Variants in TCP11L2 observed in about 807,000 individuals in gnomAD.
The protein encoded by TCP11L2 is T-complex protein 11-like protein 2.
In TCP11L2, 39 loss-of-function variants were observed where a neutral mutation model predicts 50.7. The ratio of observed to expected loss-of-function variants is 0.77; its 90% CI spans 0.60 to 1.01. TCP11L2 has a LOEUF of 1.01. Among genes scored for constraint, TCP11L2 ranks in the 50% least tolerant of loss-of-function variants. The pLI is 0.00. For synonymous variants in TCP11L2, 192 were observed against 219.3 expected (o/e 0.88, Z 1.10); for missense variants, 612 against 614.7 (o/e 1.00, Z 0.05).
chr12:106,314,684 T>C (rs1213904368), intron 3 of TCP11L2, among the ~76,000 whole-genome samples, 191 bp downstream of exon 3: 2 of 151,860 alleles, frequency 1.3e-5, no homozygotes, highest in African/African-American at 4.8e-5. Context: ...TTTAGTTCTC[T>C]AACAAGGTCT....
At chr12:106,313,426 C>A (rs1332958438) in intron 2 of TCP11L2, among the ~76,000 whole-genome samples, 1 of 151,910 alleles carries the variant, frequency 6.6e-6, no homozygotes, top group Non-Finnish European at 1.5e-5. Context: ...AATAAAAATA[C>A]AAAAATTAGC....
rs144573610 is a variant in TCP11L2 at position 106,340,857 on chromosome 12, A to G, written c.1174A>G (p.Ile392Val). The G allele has an allele frequency of 1.5e-4, 246 of 1,606,926 alleles. 3 individuals are homozygous for G. In the South Asian group the frequency reaches 2.1e-3, roughly 14 times the overall value. The change falls in exon 9 of 10, where the codon ATT (isoleucine) becomes GTT (valine). Residue 392 changes from isoleucine (I) to valine (V), a missense_variant. Transcript: ENST00000299045. Reference sequence around the variant, plus strand: ...TAACTTGAAGGAAGTCCTGAATTCTATTGGTATTCAGACTTGTGTTGAGGT... The same window carrying G: ...TAACTTGAAGGAAGTCCTGAATTCTGTTGGTATTCAGACTTGTGTTGAGGT... ...TFNLKEVLNS[I>V]GIQTCVEVNK...
At chr12:106,310,628 AG>A (rs1468402824) in intron 1 of TCP11L2, among the ~76,000 whole-genome samples, 1 of 152,242 alleles carries the variant, frequency 6.6e-6, no homozygotes, top group Non-Finnish European at 1.5e-5. Context: ...ACTATGAGGT[AG>A]GTAGTTAAGT....
upstream of TCP11L2, among the ~76,000 whole-genome samples, chr12:106,299,679 C>G (rs779293221): frequency 6.6e-5 from 10 of 152,150 alleles, no homozygotes; most frequent in Non-Finnish European, 1.3e-4. Flanking sequence ...AGAAGCCTCA[C>G]AACTCCCATA....
Position 106,315,677 on chromosome 12 carries a change from T to G in TCP11L2, c.293+1184T>G, listed in dbSNP as rs542051751. On this transcript the variant is annotated intron_variant, in intron 3 of 9. Transcript: ENST00000299045. ...ATCCAGAAATGTCTGGAGGTAGGAA[T>G]CACAGCTGCAAGAGGCACTTCCTGG... 5.9e-5 allele frequency among the ~76,000 whole-genome samples: 9 copies of G among 152,324 alleles called. No individual in the cohort carries two copies. The South Asian group carries it at 8.3e-4, about 14-fold the overall frequency.
chr12:106,310,996 G>A (rs1356859717), intron 1 of TCP11L2, 45 bp from the exon 2 acceptor site: 8 of 1,512,146 alleles, frequency 5.3e-6, no homozygotes, highest in Non-Finnish European at 7.2e-6. Context: ...TGGTGCCTGT[G>A]GAAGTACCAC....
At chr12:106,329,648 T>C in intron 6 of TCP11L2, 2 of 1,280,302 alleles carry the variant, frequency 1.6e-6, no homozygotes, top group Non-Finnish European at 2.0e-6. Flanking sequence ...TCAGCCAGGA[T>C]TGAGAACCAC....
intron 5 of TCP11L2, among the ~76,000 whole-genome samples, chr12:106,322,918 A>G (rs2035394261): frequency 6.6e-6 from 1 of 152,200 alleles, no homozygotes; most frequent in South Asian, 2.1e-4. Context: ...CATCATGGTC[A>G]TTTGTTGAGC....
rs144480672 is a variant in TCP11L2 at position 106,310,425 on chromosome 12, A to T, written c.-35-616A>T. ...TAAAGACTTGCCAGCCAGAGGTTTC[A>T]TGCGGTCTTCCCCTTTCCCCAGGAG... On this transcript the variant is annotated intron_variant, in intron 1 of 9. Transcript: ENST00000299045. 6.1e-3 allele frequency among the ~76,000 whole-genome samples: 930 copies of T among 152,310 alleles called. 10 individuals carry two copies. The highest frequency in any genetic ancestry group is 0.02 in the African/African-American group (842 of 41,558).
chr12:106,324,085 G>A (rs181567169), intron 6 of TCP11L2: 1 of 152,318 alleles, frequency 6.6e-6, no homozygotes, highest in African/African-American at 2.4e-5. Flanking sequence ...TGACATTCTA[G>A]TAGGCATGAC....
intron 6 of TCP11L2, chr12:106,324,839 C>A (rs1442210997): frequency 6.6e-6 from 1 of 152,018 alleles, no homozygotes; most frequent in Non-Finnish European, 1.5e-5. Flanking sequence ...ACTGGTGAGA[C>A]CAGGAGAAAG....
chr12:106,317,520 A>G (rs906566142), intron 3 of TCP11L2, among the ~76,000 whole-genome samples: 6 of 152,228 alleles, frequency 3.9e-5, no homozygotes, highest in South Asian at 2.1e-4. Context: ...TGTCTCAGAA[A>G]AAAAGAGATA....
chr12:106,328,283 C>T (rs1316231765), intron 6 of TCP11L2, among the ~76,000 whole-genome samples: 3 of 152,218 alleles, frequency 2.0e-5, no homozygotes, highest in African/African-American at 2.4e-5. Context: ...CCATGGCTTA[C>T]GCCTGTAATC....
intron 2 of TCP11L2, among the ~76,000 whole-genome samples, chr12:106,313,155 A>G (rs1011856697): frequency 1.3e-5 from 2 of 152,198 alleles, no homozygotes; most frequent in Admixed American, 6.5e-5. Context: ...CTTTACTTAA[A>G]TTATCTCATT....
intron 3 of TCP11L2, among the ~76,000 whole-genome samples, chr12:106,316,711 C>T (rs2035098553): frequency 6.6e-6 from 1 of 151,920 alleles, no homozygotes; most frequent in Non-Finnish European, 1.5e-5. Context: ...TATTTTTTGC[C>T]TTTTTGTCCC....
chr12:106,331,208 T>C (rs2035735098), intron 6 of TCP11L2, among the ~76,000 whole-genome samples: 1 of 152,188 alleles, frequency 6.6e-6, no homozygotes, highest in South Asian at 2.1e-4. Context: ...ATAAACTAGA[T>C]TTTCAGTGTC....
intron 9 of TCP11L2, among the ~76,000 whole-genome samples, chr12:106,344,157 TA>T (rs954887415): frequency 6.6e-6 from 1 of 151,334 alleles, no homozygotes; most frequent in African/African-American, 2.4e-5. Flanking sequence ...TGTCTATATA[TA>T]AAAAAAGAAA....
chr12:106,312,475 T>G (rs759069485), intron 2 of TCP11L2: 12 of 1,051,780 alleles, frequency 1.1e-5, no homozygotes, highest in South Asian at 8.4e-5. Flanking sequence ...GTATGTGGTG[T>G]TGTTGCATCT....
intron 6 of TCP11L2, among the ~76,000 whole-genome samples, chr12:106,331,737 A>G (rs902458351): frequency 6.6e-6 from 1 of 152,182 alleles, no homozygotes; most frequent in South Asian, 2.1e-4. Context: ...CGAAGTTGAG[A>G]CTGCCTGGCT....
Sources: allele counts gnomAD v4.1 joint callset (sites outside exome capture counted in the v4.1 genomes callset), GRCh38; gene constraint gnomAD v4.1.1; transcripts MANE v1.5; gene names NCBI Gene and HGNC (gene_info 2026-07-23, HGNC 2026-07-21).